The following ARID1B variants were observed in gnomAD, a reference collection of about 807,000 sequenced individuals.
The protein encoded by ARID1B is AT-rich interaction domain 1B.
In ARID1B, 30 loss-of-function variants were observed where a neutral mutation model predicts 212.3. The observed-to-expected ratio is 0.14, with a 90% confidence interval of 0.11 to 0.19. The LOEUF is 0.19. Ranked by LOEUF, ARID1B falls within the 10% of genes least tolerant of loss-of-function variation. The pLI is 1.00. For missense variants in ARID1B, 2,891 were observed against 3,204.0 expected (o/e 0.90, Z 2.36); for synonymous variants, 1,402 against 1,301.7 (o/e 1.08, Z -1.66).
chr6:156,810,679 A>G (rs1012268904), intron 1 of ARID1B, among the ~76,000 whole-genome samples: 12 of 152,182 alleles, frequency 7.9e-5, no homozygotes, highest in African/African-American at 2.9e-4. Flanking sequence ...CCTTGAGTCA[A>G]GGCCTGAAAG....
chr6:156,801,451 G>A (rs1407318430), intron 1 of ARID1B, among the ~76,000 whole-genome samples: 3 of 151,918 alleles, frequency 2.0e-5, no homozygotes, highest in Non-Finnish European at 4.4e-5. Flanking sequence ...CACCCACCTC[G>A]CCCTCCCAAA....
At chr6:156,813,020 G>GTATGTATATACATATATATACACATACA (rs1562404302) in intron 1 of ARID1B, among the ~76,000 whole-genome samples, 6 of 135,852 alleles carry the variant, frequency 4.4e-5, no homozygotes, top group Admixed American at 3.8e-4. Context: ...ATACACATAC[G>GTATGTATATACATATATATACACATACA]TATGTATATA....
At chr6:156,804,777 T>C (rs1781030439) in intron 1 of ARID1B, among the ~76,000 whole-genome samples, 1 of 146,358 alleles carries the variant, frequency 6.8e-6, no homozygotes, top group African/African-American at 2.5e-5. Context: ...CCTAATCATA[T>C]CAACGTATCA....
chr6:156,928,074 C>T (rs368161196), intron 3 of ARID1B, among the ~76,000 whole-genome samples: 17 of 152,108 alleles, frequency 1.1e-4, no homozygotes, highest in African/African-American at 3.4e-4. Flanking sequence ...GAGCAGTGGC[C>T]GCATGGCCCA....
chr6:156,807,372 T>C (rs1035828439), intron 1 of ARID1B, among the ~76,000 whole-genome samples: 1 of 152,042 alleles, frequency 6.6e-6, no homozygotes, highest in Non-Finnish European at 1.5e-5. Context: ...CGCCATCTAG[T>C]TGAGTTTCTT....
intron 1 of ARID1B, among the ~76,000 whole-genome samples, chr6:156,789,487 A>G (rs1779873671): frequency 6.6e-6 from 1 of 152,228 alleles, no homozygotes; most frequent in Non-Finnish European, 1.5e-5. Flanking sequence ...ACAAATGGAC[A>G]ATGCAGGAAT....
At chr6:157,077,959 A>G (rs762940630) in intron 4 of ARID1B, among the ~76,000 whole-genome samples, 17 of 152,076 alleles carry the variant, frequency 1.1e-4, no homozygotes, top group Non-Finnish European at 2.5e-4. Context: ...TAAAGCTTTA[A>G]TTTCATCAGT....
Position 157,207,969 on chromosome 6 carries a change from C to A in ARID1B, c.*78C>A, listed in dbSNP as rs2128399892. On this transcript the variant is annotated 3_prime_UTR_variant, in exon 20 of 20. Coordinates refer to ENST00000636930, the MANE Select transcript of ARID1B (RefSeq NM_001374828.1). The surrounding 1 kb of genome is among the most constrained non-coding windows in gnomAD (Gnocchi z 8.5). ...CTGGCTGTTTTCTGTTCTTGTTTATCCAGCGTAGGAAGAAGGAAAAGAAAA... is the reference window on the plus strand; with the variant it reads ...CTGGCTGTTTTCTGTTCTTGTTTATACAGCGTAGGAAGAAGGAAAAGAAAA... 7.2e-7 allele frequency: 1 copy of A among 1,384,524 alleles called. No individual in the cohort carries two copies. The highest frequency in any genetic ancestry group is 9.4e-7 in the Non-Finnish European group (1 of 1,061,762). 85.8% of individuals were successfully genotyped at this position (1,384,524 alleles called of 1,614,324 possible).
chr6:156,791,470 G>T (rs556790993), intron 1 of ARID1B, among the ~76,000 whole-genome samples: 5 of 152,194 alleles, frequency 3.3e-5, no homozygotes, highest in African/African-American at 1.2e-4. Flanking sequence ...AACCCCTTAC[G>T]TGAGCTGTTC....
At chr6:157,062,026 T>C (rs760945633) in intron 4 of ARID1B, among the ~76,000 whole-genome samples, 2 of 152,158 alleles carry the variant, frequency 1.3e-5, no homozygotes, top group Non-Finnish European at 2.9e-5. Context: ...TGAAAGGAGC[T>C]AAAGACAGCC....
intron 2 of ARID1B, among the ~76,000 whole-genome samples, chr6:156,893,045 CTT>C (rs567719662): frequency 1.6e-4 from 14 of 85,890 alleles, no homozygotes; most frequent in Admixed American, 4.6e-4. Flanking sequence ...TTTTTTCTTC[CTT>C]TTTTTTTTTT....
intron 6 of ARID1B, among the ~76,000 whole-genome samples, chr6:157,129,566 A>C (rs535363222): frequency 6.6e-6 from 1 of 152,348 alleles, no homozygotes; most frequent in Non-Finnish European, 1.5e-5. Context: ...ATTTCTATGT[A>C]AGGAGGTAGA....
rs542366995 is a variant in ARID1B at position 156,931,060 on chromosome 6, C to T, written c.2137-4406C>T. 1.1e-4 allele frequency among the ~76,000 whole-genome samples: 17 copies of T among 152,072 alleles called. No homozygotes were observed. The South Asian group carries it at 3.3e-3, about 30-fold the overall frequency. The stretch of plus-strand genomic sequence containing the variant: ...AAAAAATTAGCCAGGTGTGGTGGCA[C>T]ATGCCTGTAGTCCCAGCTACTCGGG... On this transcript the variant is annotated intron_variant, in intron 3 of 19. Transcript: ENST00000636930.
At chr6:156,934,122 A>G (rs1791965849) in intron 3 of ARID1B, among the ~76,000 whole-genome samples, 1 of 152,236 alleles carries the variant, frequency 6.6e-6, no homozygotes, top group Non-Finnish European at 1.5e-5. Context: ...ACATATTTGA[A>G]CTGACAAGGG....
intron 4 of ARID1B, among the ~76,000 whole-genome samples, chr6:157,039,488 G>T (rs1453475060): frequency 6.6e-6 from 1 of 151,258 alleles, no homozygotes; most frequent in East Asian, 1.9e-4. Context: ...CCGCCACCGC[G>T]CCCGGCTAAT....
chr6:156,923,135 G>T (rs1790944679), intron 3 of ARID1B, among the ~76,000 whole-genome samples: 1 of 152,160 alleles, frequency 6.6e-6, no homozygotes. Flanking sequence ...ATAGGTGAAG[G>T]GTGGGTGGAC....
At chr6:156,836,491 G>A (rs928255255) in intron 2 of ARID1B, among the ~76,000 whole-genome samples, 1 of 152,128 alleles carries the variant, frequency 6.6e-6, no homozygotes, top group African/African-American at 2.4e-5. Context: ...CCAGAACCAG[G>A]AGCTGGGATG....
chr6:157,155,185 T>C (rs1790497576), intron 8 of ARID1B, among the ~76,000 whole-genome samples: 1 of 152,190 alleles, frequency 6.6e-6, no homozygotes, highest in Admixed American at 6.5e-5. Context: ...AAGTAACAGT[T>C]ACTTACTGGC....
Position 156,812,862 on chromosome 6 carries a change from A to G in ARID1B, c.1792-16365A>G, listed in dbSNP as rs543157973. Among the ~76,000 whole-genome samples, 39 of 143,176 alleles carry G rather than the reference A, an allele frequency of 2.7e-4. No homozygotes were observed. The South Asian group carries it at 8.5e-3, about 31-fold the overall frequency. 93.9% of individuals were successfully genotyped at this position (143,176 alleles called of 152,430 possible). On this transcript the variant is annotated intron_variant, in intron 1 of 19. Transcript: ENST00000636930. ...GATTATTTTATCAAGCTCCACTTTC[A>G]TGTGGTATGTTATAAAAAAAAAAAA...
Sources: allele counts gnomAD v4.1 joint callset (sites outside exome capture counted in the v4.1 genomes callset), GRCh38; gene constraint gnomAD v4.1.1; non-coding constraint Gnocchi (gnomAD v3.1); transcripts MANE v1.5; gene names NCBI Gene and HGNC (gene_info 2026-07-23, HGNC 2026-07-21).